The following RHCE variants were observed in gnomAD, a reference collection of about 807,000 sequenced individuals.
The protein encoded by RHCE is blood group Rh(CE) polypeptide.
RHCE carries 22 observed loss-of-function variants against 43.8 expected under a neutral mutation model. The ratio of observed to expected loss-of-function variants is 0.50; its 90% CI spans 0.36 to 0.72. The LOEUF (loss-of-function observed/expected upper bound fraction) is 0.72, where lower values mean the gene tolerates loss of function less well. Among genes scored for constraint, RHCE ranks in the 30% least tolerant of loss-of-function variants. The pLI is 0.00. For synonymous variants in RHCE, 156 were observed against 210.7 expected (o/e 0.74, Z 2.25); for missense variants, 385 against 525.4 (o/e 0.73, Z 2.61).
Position 25,406,246 on chromosome 1 carries a change from CGTGCGTGT to C in RHCE, c.335+2429_335+2436del, listed in dbSNP as rs1272407809. Among the ~76,000 whole-genome samples, 107 of 88,488 alleles carry C rather than the reference CGTGCGTGT, an allele frequency of 1.2e-3. 4 individuals are homozygous for C. Among genetic ancestry groups the C allele is most frequent in the African/African-American group, 5.8e-3 (100 of 17,250 alleles). 58.1% of individuals were successfully genotyped at this position (88,488 alleles called of 152,430 possible). On this transcript the variant is annotated intron_variant, in intron 2 of 9. Coordinates refer to ENST00000294413, the MANE Select transcript of RHCE (RefSeq NM_020485.8). ...GTGTGTATGCGGGCGTGCGTGCGTG[CGTGCGTGT>C]GTGTGTGTGTGTGTGTGTGTGTATT...
rs74060773 is a variant in RHCE at position 25,411,237 on chromosome 1, G to A, written c.149-2368C>T. 21,108 of 1,417,624 alleles carry A rather than the reference G, an allele frequency of 0.015. 2,370 individuals are homozygous for A. In the African/African-American group the frequency reaches 0.26, roughly 17 times the overall value. 87.8% of individuals were successfully genotyped at this position (1,417,624 alleles called of 1,614,324 possible). On this transcript the variant is annotated intron_variant, in intron 1 of 9. Transcript: ENST00000294413. Reference sequence around the variant, plus strand: ...CACCTGAGAGGTTTCTGGGACATCCGAAGGAAATAATGTTTAGTACAGTGC... The same window carrying A: ...CACCTGAGAGGTTTCTGGGACATCCAAAGGAAATAATGTTTAGTACAGTGC...
intron 9 of RHCE, 25 bp from the exon 10 acceptor site, chr1:25,362,578 T>C (rs781386809): frequency 6.7e-7 from 1 of 1,490,924 alleles, no homozygotes; most frequent in Non-Finnish European, 9.3e-7. Context: ...CAAACATTTT[T>C]ATTGCAGATG....
chr1:25,380,911 T>C (rs1645974908), intron 7 of RHCE, among the ~76,000 whole-genome samples: 1 of 148,736 alleles, frequency 6.7e-6, no homozygotes, highest in Non-Finnish European at 1.5e-5. Flanking sequence ...TTTTTTTTTT[T>C]TTTTTTTTGA....
chr1:25,378,194 G>A (rs1174178937), intron 7 of RHCE, among the ~76,000 whole-genome samples: 1 of 152,162 alleles, frequency 6.6e-6, no homozygotes, highest in African/African-American at 2.4e-5. Flanking sequence ...GGAGTAAAAG[G>A]AGCTTCTATA....
chr1:25,425,662 C>G (rs1035538149), upstream of RHCE, among the ~76,000 whole-genome samples: 1 of 152,212 alleles, frequency 6.6e-6, no homozygotes, highest in African/African-American at 2.4e-5. Flanking sequence ...CCACGGCGTG[C>G]TGGTCTGAGC....
At chr1:25,411,332 G>A (rs1647069899) in intron 1 of RHCE, 1 of 1,550,314 alleles carries the variant, frequency 6.5e-7, no homozygotes, top group South Asian at 1.2e-5. Flanking sequence ...ACAGCAATAG[G>A]AACTCACCTG....
upstream of RHCE, chr1:25,420,921 T>G: frequency 1.3e-6 from 2 of 1,546,610 alleles, no homozygotes; most frequent in Non-Finnish European, 1.7e-6. Context: ...AGGCTGGCTG[T>G]GCTGGCCTGT....
intron 8 of RHCE, among the ~76,000 whole-genome samples, chr1:25,371,527 T>C (rs1265224765): frequency 6.6e-6 from 1 of 151,386 alleles, no homozygotes; most frequent in Non-Finnish European, 1.5e-5. Flanking sequence ...TGTGCTACCA[T>C]ACCCAGCTCA....
At chr1:25,417,489 GTCACATTCGAGAT>G (rs1433806572) in intron 1 of RHCE, among the ~76,000 whole-genome samples, 1 of 152,178 alleles carries the variant, frequency 6.6e-6, no homozygotes, top group Non-Finnish European at 1.5e-5. Context: ...CAAGCTGTCA[GTCACATTCGAGAT>G]TTAAAAAATG....
intron 3 of RHCE, among the ~76,000 whole-genome samples, chr1:25,393,048 G>A (rs552950514): frequency 2.6e-5 from 4 of 152,282 alleles, no homozygotes; most frequent in African/African-American, 7.2e-5. Flanking sequence ...GTCTTCGGGA[G>A]ATTCTAGATA....
At chr1:25,373,047 C>T (rs1477283847) in intron 8 of RHCE, among the ~76,000 whole-genome samples, 1 of 151,616 alleles carries the variant, frequency 6.6e-6, no homozygotes, top group Non-Finnish European at 1.5e-5. Flanking sequence ...GCTATTCTCC[C>T]ACCTCAGCTT....
intron 9 of RHCE, 79 bp downstream of exon 9, chr1:25,370,388 C>A (rs1356260330): frequency 6.5e-6 from 8 of 1,237,366 alleles, no homozygotes; most frequent in Admixed American, 1.7e-5. Flanking sequence ...TCATAAACAG[C>A]AAGTCAACAT....
chr1:25,391,512 T>C (rs909404521), intron 4 of RHCE, among the ~76,000 whole-genome samples: 6 of 151,756 alleles, frequency 4.0e-5, no homozygotes, highest in African/African-American at 7.3e-5. Flanking sequence ...TTTTTTTTAA[T>C]GAATGTGCTG....
At chr1:25,384,798 G>A (rs558051007) in intron 7 of RHCE, among the ~76,000 whole-genome samples, 9 of 152,210 alleles carry the variant, frequency 5.9e-5, no homozygotes, top group Admixed American at 3.9e-4. Flanking sequence ...GGTGACCTTG[G>A]GCAGATAACT....
At chr1:25,412,835 G>A (rs932820914) in intron 1 of RHCE, among the ~76,000 whole-genome samples, 1 of 151,646 alleles carries the variant, frequency 6.6e-6, no homozygotes, top group Admixed American at 6.6e-5. Context: ...GACCAGCCTG[G>A]CCAACATGGT....
At chr1:25,379,585 G>A (rs1645931188) in intron 7 of RHCE, among the ~76,000 whole-genome samples, 1 of 144,252 alleles carries the variant, frequency 6.9e-6, no homozygotes, top group Admixed American at 7.2e-5. Context: ...GCTCACTGCA[G>A]CCTCAAACTC....
chr1:25,403,471 C>A (rs1646818576), intron 2 of RHCE, among the ~76,000 whole-genome samples: 1 of 152,140 alleles, frequency 6.6e-6, no homozygotes, highest in Non-Finnish European at 1.5e-5. Flanking sequence ...ACGATTCCTT[C>A]CTTCCCTTGA....
intron 6 of RHCE, among the ~76,000 whole-genome samples, chr1:25,386,760 T>C (rs1029084876): frequency 6.6e-6 from 1 of 151,898 alleles, no homozygotes; most frequent in Non-Finnish European, 1.5e-5. Context: ...AGGCAGAGCT[T>C]GCAGTAAGCC....
At chr1:25,393,694 C>T (rs1646451196) in intron 3 of RHCE, among the ~76,000 whole-genome samples, 1 of 151,924 alleles carries the variant, frequency 6.6e-6, no homozygotes, top group African/African-American at 2.4e-5. Context: ...GCTCCCATGT[C>T]ACTCAAAGTC....
Sources: gnomAD v4.1 joint callset for allele counts (sites outside exome capture counted in the v4.1 genomes callset) on GRCh38, gnomAD v4.1.1 for gene constraint, MANE v1.5 for transcripts, NCBI Gene and HGNC (gene_info 2026-07-23, HGNC 2026-07-21) for gene names.